Variants in TAFA2 observed in about 807,000 individuals in gnomAD.
TAFA2 encodes the protein TAFA chemokine like family member 2, also known as chemokine-like protein TAFA-2.
In TAFA2, 7 loss-of-function variants were observed where a neutral mutation model predicts 18.8. The ratio of observed to expected loss-of-function variants is 0.37; its 90% CI spans 0.21 to 0.70. The LOEUF is 0.70. TAFA2 is among the 30% of genes least tolerant of loss of function. The pLI, the probability that TAFA2 is intolerant of heterozygous loss-of-function variation, is 0.53. For missense variants in TAFA2, 122 were observed against 158.1 expected (o/e 0.77, Z 1.23); for synonymous variants, 60 against 54.2 (o/e 1.11, Z -0.47).
At chr12:61,745,349 A>G (rs544099028) in intron 4 of TAFA2, among the ~76,000 whole-genome samples, 1 of 152,062 alleles carries the variant, frequency 6.6e-6, no homozygotes, top group Non-Finnish European at 1.5e-5. Flanking sequence ...CACTTGCCCT[A>G]GTTCACTCCA....
At chr12:61,991,969 C>T (rs764531593) in intron 1 of TAFA2, among the ~76,000 whole-genome samples, 2 of 152,186 alleles carry the variant, frequency 1.3e-5, no homozygotes, top group Non-Finnish European at 2.9e-5. Context: ...TCCCGTATCA[C>T]TTTCAGTCTT....
upstream of TAFA2, among the ~76,000 whole-genome samples, chr12:62,196,614 C>G (rs2062650169): frequency 6.6e-6 from 1 of 152,122 alleles, no homozygotes; most frequent in Non-Finnish European, 1.5e-5. Context: ...AACCACACAA[C>G]ATTTATTAAT....
In TAFA2 at chr12:62,163,243, C is replaced by T. The variant is rs557757607; in HGVS notation, c.-2+28016G>A. ...GAAATATGATGAGGTATGTTCAGTA[C>T]CAGGCTCCCTTTACAATTCTGCAAA... On this transcript the variant is annotated intron_variant, in intron 1 of 4. Transcript: ENST00000416284. Among the ~76,000 whole-genome samples, 3 of 152,166 alleles carry T rather than the reference C, an allele frequency of 2.0e-5. No individual in the cohort carries two copies. The South Asian group carries it at 6.2e-4, about 32-fold the overall frequency.
chr12:61,983,490 C>A (rs1879712675), intron 1 of TAFA2, among the ~76,000 whole-genome samples: 1 of 152,074 alleles, frequency 6.6e-6, no homozygotes, highest in South Asian at 2.1e-4. Context: ...TCACTGCAAC[C>A]TCTGCCTCCC....
intron 1 of TAFA2, among the ~76,000 whole-genome samples, chr12:62,072,186 CG>C (rs1459189207): frequency 6.6e-6 from 1 of 152,088 alleles, no homozygotes; most frequent in African/African-American, 2.4e-5. Context: ...CATTCCTGGC[CG>C]GGCGCGGTGG....
At chr12:62,217,614 T>A (rs982460822) in intron 1 of TAFA2, among the ~76,000 whole-genome samples, 1 of 152,200 alleles carries the variant, frequency 6.6e-6, no homozygotes, top group African/African-American at 2.4e-5. Flanking sequence ...TGTAAAGTTA[T>A]AAGGCCCAGC....
At chr12:61,874,028 T>A (rs1474122009) in intron 1 of TAFA2, among the ~76,000 whole-genome samples, 1 of 152,184 alleles carries the variant, frequency 6.6e-6, no homozygotes, top group Non-Finnish European at 1.5e-5. Flanking sequence ...TTGATTTTAA[T>A]CATTTTAATT....
At chr12:61,972,565 G>A (rs1267125934) in intron 1 of TAFA2, among the ~76,000 whole-genome samples, 1 of 151,594 alleles carries the variant, frequency 6.6e-6, no homozygotes, top group Non-Finnish European at 1.5e-5. Context: ...AGAGGAATTA[G>A]GACTGGGTAA....
intron 1 of TAFA2, among the ~76,000 whole-genome samples, chr12:62,249,819 C>G (rs986608780): frequency 1.3e-5 from 2 of 152,176 alleles, no homozygotes; most frequent in Non-Finnish European, 2.9e-5. Context: ...ATCTCCATCT[C>G]TAAACAGGAG....
chr12:61,734,052 A>C (rs1868263503), intron 4 of TAFA2, among the ~76,000 whole-genome samples: 3 of 148,340 alleles, frequency 2.0e-5, no homozygotes, highest in South Asian at 2.2e-4. Context: ...ATGGGAGTTC[A>C]CTCATGATTT....
At chr12:61,828,401 C>G (rs1872601242) in intron 2 of TAFA2, among the ~76,000 whole-genome samples, 1 of 151,884 alleles carries the variant, frequency 6.6e-6, no homozygotes, top group Admixed American at 6.6e-5. Context: ...TCTTCAGATT[C>G]CATTTCCTAA....
intron 1 of TAFA2, among the ~76,000 whole-genome samples, chr12:61,928,431 G>T (rs1877403316): frequency 1.3e-5 from 2 of 152,186 alleles, no homozygotes; most frequent in African/African-American, 4.8e-5. Context: ...ATCATCAGTG[G>T]TCATTAGAGA....
chr12:61,812,014 T>C (rs1229740731), intron 2 of TAFA2, among the ~76,000 whole-genome samples: 1 of 151,256 alleles, frequency 6.6e-6, no homozygotes, highest in East Asian at 1.9e-4. Flanking sequence ...TGTGGTATAT[T>C]GTAAGAGATG....
chr12:61,897,999 G>A (rs1002509814), intron 1 of TAFA2, among the ~76,000 whole-genome samples: 3 of 152,258 alleles, frequency 2.0e-5, no homozygotes, highest in African/African-American at 2.4e-5. Context: ...CCAAATGGGA[G>A]AAATTGTCCA....
intron 2 of TAFA2, among the ~76,000 whole-genome samples, chr12:61,816,001 G>A (rs1382200491): frequency 6.6e-6 from 1 of 150,948 alleles, no homozygotes; most frequent in Non-Finnish European, 1.5e-5. Flanking sequence ...GATGGTGTGG[G>A]TCTCAGAGCT....
intron 2 of TAFA2, among the ~76,000 whole-genome samples, chr12:61,820,356 A>C (rs1565645331): frequency 6.6e-6 from 1 of 152,016 alleles, no homozygotes; most frequent in East Asian, 1.9e-4. Context: ...GGTAAATATA[A>C]GTTGATGTTC....
chr12:62,252,498 A>T (rs1592421230), intron 1 of TAFA2: 1 of 152,352 alleles, frequency 6.6e-6, no homozygotes, highest in East Asian at 1.9e-4. Flanking sequence ...GGAGATGAGT[A>T]GCACAAAATC....
chr12:62,090,915 G>T (rs1447866933), intron 1 of TAFA2, among the ~76,000 whole-genome samples: 1 of 151,980 alleles, frequency 6.6e-6, no homozygotes, highest in Non-Finnish European at 1.5e-5. Context: ...AAGATAGAAT[G>T]ATGCTGGCAA....
chr12:61,965,148 T>C (rs1351042369), intron 1 of TAFA2, among the ~76,000 whole-genome samples: 5 of 151,858 alleles, frequency 3.3e-5, no homozygotes, highest in Non-Finnish European at 5.9e-5. Flanking sequence ...GTAATGATAT[T>C]AGAAGGTGGG....
Sources: allele counts gnomAD v4.1 joint callset (sites outside exome capture counted in the v4.1 genomes callset), GRCh38; gene constraint gnomAD v4.1.1; transcripts MANE v1.5; gene names NCBI Gene and HGNC (gene_info 2026-07-23, HGNC 2026-07-21).